The following RCAN1 variants were observed in gnomAD, a reference collection of about 807,000 sequenced individuals.
RCAN1 encodes calcipressin-1.
A neutral mutation model predicts 22.9 loss-of-function variants in RCAN1; 11 were observed. The ratio of observed to expected loss-of-function variants is 0.48; its 90% CI spans 0.30 to 0.79. The LOEUF is 0.79. RCAN1 is among the 30% of genes least tolerant of loss of function. RCAN1 has a pLI of 0.06. For missense variants in RCAN1, 291 were observed against 337.8 expected (o/e 0.86, Z 1.09); for synonymous variants, 136 against 142.3 (o/e 0.96, Z 0.32).
intron 1 of RCAN1, among the ~76,000 whole-genome samples, chr21:34,538,069 C>T (rs1399240330): frequency 1.3e-5 from 2 of 152,288 alleles, no homozygotes; most frequent in South Asian, 2.1e-4. Context: ...CAGAGGAAGA[C>T]AGAGGAAGAA....
At chr21:34,564,069 T>C (rs1297148697) in intron 1 of RCAN1, among the ~76,000 whole-genome samples, 1 of 151,846 alleles carries the variant, frequency 6.6e-6, no homozygotes, top group Non-Finnish European at 1.5e-5. Flanking sequence ...AACCTTACAA[T>C]CATGGTGGAA....
chr21:34,583,321 T>C (rs1210720313), intron 1 of RCAN1, among the ~76,000 whole-genome samples: 2 of 151,920 alleles, frequency 1.3e-5, no homozygotes, highest in Non-Finnish European at 2.9e-5. Context: ...GGGATTACAG[T>C]TAGGTGCCAC....
In RCAN1 at chr21:34,518,974, G is replaced by A. The variant is rs1256025683; in HGVS notation, c.587-718C>T. On this transcript the variant is annotated intron_variant, in intron 3 of 3. Coordinates refer to ENST00000313806, the MANE Select transcript of RCAN1 (RefSeq NM_004414.7). The surrounding 1 kb of genome is among the most constrained non-coding windows in gnomAD (Gnocchi z 4.2). ...GAAGGGACTGGGGCCTCCCGCTGGGGTGCCGCTCTGGCCACGGGAAGAGTG... is the reference window on the plus strand; with the variant it reads ...GAAGGGACTGGGGCCTCCCGCTGGGATGCCGCTCTGGCCACGGGAAGAGTG... Among the ~76,000 whole-genome samples, 2 of 152,198 alleles carry A rather than the reference G, an allele frequency of 1.3e-5. No homozygotes were observed. Among genetic ancestry groups the A allele is most frequent in the African/African-American group, 2.4e-5 (1 of 41,456 alleles).
chr21:34,563,792 T>TAGAGAGAGAGAG (rs1400313535), intron 1 of RCAN1, among the ~76,000 whole-genome samples: 35 of 74,720 alleles, frequency 4.7e-4, no homozygotes, highest in African/African-American at 8.9e-4. Flanking sequence ...TATATATATA[T>TAGAGAGAGAGAG]ATAGAGAGAG....
chr21:34,567,126 T>C (rs911846485), intron 1 of RCAN1, among the ~76,000 whole-genome samples: 10 of 120,456 alleles, frequency 8.3e-5, no homozygotes, highest in African/African-American at 3.0e-4. Context: ...TGTGGTTCTA[T>C]GTAAAATTTC....
At chr21:34,533,760 A>G (rs1985540847) in intron 1 of RCAN1, among the ~76,000 whole-genome samples, 1 of 152,230 alleles carries the variant, frequency 6.6e-6, no homozygotes, top group Admixed American at 6.5e-5. Context: ...AAAGTGGTGA[A>G]AGCAAGCCCG....
At chr21:34,551,224 T>G (rs1051739917) in intron 1 of RCAN1, among the ~76,000 whole-genome samples, 1 of 152,240 alleles carries the variant, frequency 6.6e-6, no homozygotes, top group Non-Finnish European at 1.5e-5. Context: ...TTTAATCTTA[T>G]GTCCTGAACA....
intron 1 of RCAN1, among the ~76,000 whole-genome samples, chr21:34,602,433 T>G (rs952400749): frequency 1.3e-5 from 2 of 152,204 alleles, no homozygotes; most frequent in African/African-American, 4.8e-5. Context: ...TAGAAAGAGA[T>G]ACCAATACAA....
chr21:34,540,203 C>A (rs1985851540), intron 1 of RCAN1, among the ~76,000 whole-genome samples: 1 of 152,156 alleles, frequency 6.6e-6, no homozygotes, highest in Non-Finnish European at 1.5e-5. Context: ...AAGGCCTTCC[C>A]AGAGAATTTG....
At chr21:34,602,077 A>G (rs560923758) in intron 1 of RCAN1, among the ~76,000 whole-genome samples, 1 of 152,350 alleles carries the variant, frequency 6.6e-6, no homozygotes, top group Admixed American at 6.5e-5. Flanking sequence ...AAGATCCTTC[A>G]TAAAGACTAA....
intron 1 of RCAN1, among the ~76,000 whole-genome samples, chr21:34,594,842 C>A (rs763029474): frequency 6.6e-6 from 1 of 152,180 alleles, no homozygotes; most frequent in South Asian, 2.1e-4. Context: ...TCGTAACAAG[C>A]GCATACCTCA....
intron 1 of RCAN1, among the ~76,000 whole-genome samples, chr21:34,591,041 A>G (rs374770678): frequency 2.6e-5 from 4 of 152,356 alleles, no homozygotes; most frequent in East Asian, 3.9e-4. Flanking sequence ...GAAACCTGAC[A>G]GGACACACAA....
chr21:34,530,997 A>G lies in RCAN1; in HGVS notation c.253-7287T>C, dbSNP rs546594039. On this transcript the variant is annotated intron_variant, in intron 1 of 3. Coordinates refer to ENST00000313806, the MANE Select transcript of RCAN1 (RefSeq NM_004414.7). Reference sequence around the variant, plus strand: ...CAAAAACAAAACAAAACAAAAAACAACCCCACAAGGGTTTGCTCTCTTCCT... The same window carrying G: ...CAAAAACAAAACAAAACAAAAAACAGCCCCACAAGGGTTTGCTCTCTTCCT... 3.1e-4 allele frequency among the ~76,000 whole-genome samples: 47 copies of G among 152,256 alleles called. 1 individual carries two copies. In the South Asian group the frequency reaches 9.5e-3, roughly 31 times the overall value.
chr21:34,530,623 T>TTTTTTC (rs1568889011), intron 1 of RCAN1, among the ~76,000 whole-genome samples: 1 of 101,790 alleles, frequency 9.8e-6, no homozygotes, highest in Non-Finnish European at 1.9e-5. Flanking sequence ...ATAGTTTTTT[T>TTTTTTC]TTTTTTTTTT....
At chr21:34,585,756 A>C (rs1372851894) in intron 1 of RCAN1, among the ~76,000 whole-genome samples, 1 of 151,032 alleles carries the variant, frequency 6.6e-6, no homozygotes, top group East Asian at 1.9e-4. Context: ...AAAAAAAAAA[A>C]AAAAAAAACA....
intron 1 of RCAN1, among the ~76,000 whole-genome samples, chr21:34,546,382 T>A (rs1255754031): frequency 6.6e-6 from 1 of 152,126 alleles, no homozygotes; most frequent in Non-Finnish European, 1.5e-5. Flanking sequence ...AGTTTTTTTT[T>A]TTTTTTAGAA....
At chr21:34,588,588 G>A (rs1431957619) in intron 1 of RCAN1, among the ~76,000 whole-genome samples, 1 of 152,216 alleles carries the variant, frequency 6.6e-6, no homozygotes, top group Non-Finnish European at 1.5e-5. Flanking sequence ...TGATGAAAAT[G>A]TAAAATGGTG....
chr21:34,603,629 A>C (rs1988432325), intron 1 of RCAN1, among the ~76,000 whole-genome samples: 1 of 152,198 alleles, frequency 6.6e-6, no homozygotes, highest in South Asian at 2.1e-4. Flanking sequence ...GGACTTCGAG[A>C]ACCCCAGAGT....
chr21:34,520,675 T>C (rs1007302922), intron 3 of RCAN1, among the ~76,000 whole-genome samples: 3 of 152,114 alleles, frequency 2.0e-5, no homozygotes, highest in African/African-American at 7.2e-5. Flanking sequence ...CTCAAACCTC[T>C]TCACCCCAAG....
Sources: allele counts gnomAD v4.1 joint callset (sites outside exome capture counted in the v4.1 genomes callset), GRCh38; gene constraint gnomAD v4.1.1; non-coding constraint Gnocchi (gnomAD v3.1); transcripts MANE v1.5; gene names NCBI Gene and HGNC (gene_info 2026-07-23, HGNC 2026-07-21).